SDR42E1: variants seen among roughly 807,000 people sequenced by gnomAD.
SDR42E1 encodes short-chain dehydrogenase/reductase family 42E member 1.
SDR42E1 carries 5 observed loss-of-function variants against 2.6 expected under a neutral mutation model. The observed-to-expected ratio is 1.94, with a 90% CI of 1.01 to 4.08. The LOEUF (loss-of-function observed/expected upper bound fraction) is 4.08. Ranked by LOEUF, SDR42E1 falls within the 30% of genes most tolerant of loss-of-function variation. The pLI is 0.00. For missense variants in SDR42E1, 596 were observed against 478.6 expected, an observed-to-expected ratio of 1.25 and a Z score of -2.29; for synonymous variants, 231 against 188.3, an observed-to-expected ratio of 1.23 and a Z score of -1.86.
In SDR42E1 at chr16:82,000,139, T is replaced by A. The variant is rs1258979438; in HGVS notation, c.154A>T (p.Lys52Ter). ...SPAQTIPEGI[K>*]FIQGDIRHLS... ...TGGCGGATGTCTCCTTGTATAAACTTGATTCCTTCTGGAATGGTTTGAGCA... is the reference window on the plus strand; with the variant it reads ...TGGCGGATGTCTCCTTGTATAAACTAGATTCCTTCTGGAATGGTTTGAGCA... Residue 52 changes from lysine (K) to a stop codon, truncating the protein, a stop_gained, in exon 3 of 3, where the codon AAG (lysine) becomes TAG (stop). Coordinates refer to ENST00000328945, the MANE Select transcript of SDR42E1 (RefSeq NM_145168.3). LOFTEE classifies it low-confidence loss of function (END_TRUNC). The A allele has an allele frequency of 6.2e-7, 1 of 1,614,208 alleles. No individual in the cohort carries two copies. The highest frequency in any genetic ancestry group is 1.1e-5 in the South Asian group (1 of 91,088).
intron 1 of SDR42E1, among the ~76,000 whole-genome samples, chr16:82,011,112 A>G (rs1160126041): frequency 6.6e-6 from 1 of 152,226 alleles, no homozygotes; most frequent in African/African-American, 2.4e-5. Context: ...CCACCTGTGG[A>G]AAGTTCGGAG....
At chr16:82,009,361 G>A (rs886100927) in intron 1 of SDR42E1, among the ~76,000 whole-genome samples, 9 of 152,322 alleles carry the variant, frequency 5.9e-5, no homozygotes, top group East Asian at 1.9e-4. Flanking sequence ...GACACTAAAC[G>A]CCAGCCCTGG....
rs777388787 is a variant in SDR42E1 at position 81,999,547 on chromosome 16, C to T, written c.746G>A (p.Gly249Glu). The T allele has an allele frequency of 1.2e-6, 2 of 1,614,152 alleles. No individual in the cohort carries two copies. Among genetic ancestry groups the T allele is most frequent in the South Asian group, 2.2e-5 (2 of 91,080 alleles). Residue 249 changes from glycine (G) to glutamate (E), a missense_variant, in exon 3 of 3, where the codon GGG (glycine) becomes GAG (glutamate). By Grantham distance (98) the Gly-to-Glu change is moderately conservative. Transcript: ENST00000328945. The part of the protein sequence containing the change: ...LRADKGHIAS[G>E]QPYFISDGRP... ...GCCATCTGAGATGAAGTAGGGCTGC[C>T]CAGAGGCAATATGGCCCTTGTCAGC...
In SDR42E1 at chr16:81,999,718, C is replaced by G; in HGVS notation, c.575G>C (p.Gly192Ala). ...ALRPAGIYGP[G>A]EQRHLPRIVS... ...TATCCTGGGAAGGTGTCTTTGTTCT[C>G]CAGGCCCATAGATGCCAGCTGGCCT... The change falls in exon 3 of 3, where the codon GGA becomes GCA. Residue 192 changes from glycine to alanine, a missense_variant. Coordinates refer to ENST00000328945, the MANE Select transcript of SDR42E1 (RefSeq NM_145168.3). 6.2e-7 allele frequency: 1 copy of G among 1,614,162 alleles called. No homozygotes were observed. The highest frequency in any genetic ancestry group is 8.5e-7 in the Non-Finnish European group (1 of 1,180,028).
At position 81,995,139 on chromosome 16, in the gene SDR42E1, T is replaced by G. The variant is rs1174209208; in HGVS notation, c.*3972A>C. The G allele has an allele frequency of 6.6e-6, 1 of 152,244 alleles. No homozygotes were observed. The highest frequency in any genetic ancestry group is 1.9e-4 in the East Asian group (1 of 5,196). The allele number at this position is 152,244 out of a possible 1,614,324, so 9.4% of individuals were successfully genotyped here. A position where few individuals can be genotyped will look rare whatever the true frequency, so the allele number is the denominator to read the frequency against. ...TAGGTTCCAATACAGGGCTCCTTGT[T>G]GCTCACACATCCTTCCTTCATTGCG... is the stretch of plus-strand genomic sequence containing the variant. On this transcript the variant is annotated 3_prime_UTR_variant, in exon 3 of 3. Coordinates refer to ENST00000328945, the MANE Select transcript of SDR42E1 (RefSeq NM_145168.3).
At position 82,000,231 on chromosome 16, in the gene SDR42E1, T is replaced by C. The variant is rs200861877; in HGVS notation, c.69-7A>G. 940 of 1,602,134 alleles carry C rather than the reference T, an allele frequency of 5.9e-4. 1 individual carries two copies. Among genetic ancestry groups the C allele is most frequent in the Non-Finnish European group, 7.4e-4 (872 of 1,177,202 alleles). On this transcript the variant is annotated splice_polypyrimidine_tract_variant and splice_region_variant and intron_variant, in intron 2 of 2. Coordinates refer to ENST00000328945, the MANE Select transcript of SDR42E1 (RefSeq NM_145168.3). ...GTTCAGGGCACAGCCCAGGCTGAAA[T>C]AAGAAACAGTAAACGTTGAATCAAG...
intron 1 of SDR42E1, among the ~76,000 whole-genome samples, 167 bp downstream of exon 1, chr16:82,011,220 G>T (rs890771961): frequency 6.6e-6 from 1 of 152,148 alleles, no homozygotes; most frequent in African/African-American, 2.4e-5. Flanking sequence ...CGGTCCCCTG[G>T]GATCAGGAAG....
In SDR42E1 at chr16:81,998,045, GGTTCCTATGCAACA is replaced by G. The variant is rs1447134831; in HGVS notation, c.*1052_*1065del. The stretch of plus-strand genomic sequence containing the variant: ...ATGGACTCTGTCTTCTTTCCACTTG[GGTTCCTATGCAACA>G]GTGTAACTGGATCATCTGTAACAGT... On this transcript the variant is annotated 3_prime_UTR_variant, in exon 3 of 3. Coordinates refer to ENST00000328945, the MANE Select transcript of SDR42E1 (RefSeq NM_145168.3). The G allele has an allele frequency of 2.0e-5, 3 of 152,140 alleles. No homozygotes were observed. The highest frequency in any genetic ancestry group is 7.2e-5 in the African/African-American group (3 of 41,430). The allele number at this position is 152,140 out of a possible 1,614,324, so 9.4% of individuals were successfully genotyped here.
At chr16:82,006,250 A>G (rs1912930211) in intron 1 of SDR42E1, among the ~76,000 whole-genome samples, 1 of 152,236 alleles carries the variant, frequency 6.6e-6, no homozygotes, top group South Asian at 2.1e-4. Flanking sequence ...TAACCCCATG[A>G]TTACGTGTTT....
At chr16:82,001,550 C>T (rs765858619) in intron 1 of SDR42E1, among the ~76,000 whole-genome samples, 1 of 151,982 alleles carries the variant, frequency 6.6e-6, no homozygotes, top group Admixed American at 6.6e-5. Flanking sequence ...TCCAAGGCCC[C>T]CTTCTCCCAA....
intron 1 of SDR42E1, among the ~76,000 whole-genome samples, chr16:82,007,391 A>C (rs1676999363): frequency 6.6e-6 from 1 of 152,212 alleles, no homozygotes; most frequent in African/African-American, 2.4e-5. Context: ...TCTGCCAGGC[A>C]TTGTGCAACA....
chr16:81,994,513 G>A lies in SDR42E1; in HGVS notation c.*4598C>T, dbSNP rs1912498172. 1 of 152,234 alleles carries A rather than the reference G, an allele frequency of 6.6e-6. No individual in the cohort carries two copies. The highest frequency in any genetic ancestry group is 1.5e-5 in the Non-Finnish European group (1 of 68,062). 9.4% of individuals were successfully genotyped at this position (152,234 alleles called of 1,614,324 possible). A position where few individuals can be genotyped will look rare whatever the true frequency, so the allele number is the denominator to read the frequency against. On this transcript the variant is annotated 3_prime_UTR_variant, in exon 3 of 3. Transcript: ENST00000328945. ...GCATGTGGAGGTCAGCCCCACGAAA[G>A]GGCTGGGAGGGACTTTTTGTCACCA...
In SDR42E1 at chr16:81,991,803, G is replaced by C. The variant is rs990261872; in HGVS notation, c.*7308C>G. ...CTAGCTGGTGACGCTGGGTACCCTT[G>C]GGCAAGGTACTGCATCTCCCTAAGC... On this transcript the variant is annotated 3_prime_UTR_variant, in exon 3 of 3. Transcript: ENST00000328945. The C allele has an allele frequency of 1.3e-5, 2 of 151,664 alleles. No individual in the cohort carries two copies. Among genetic ancestry groups the C allele is most frequent in the African/African-American group, 4.9e-5 (2 of 41,134 alleles). The allele number at this position is 151,664 out of a possible 1,614,324, so 9.4% of individuals were successfully genotyped here.
intron 1 of SDR42E1, among the ~76,000 whole-genome samples, chr16:82,009,429 C>T (rs1441577089): frequency 2.6e-5 from 4 of 152,250 alleles, no homozygotes; most frequent in Non-Finnish European, 5.9e-5. Context: ...CTGCCCAAGA[C>T]TATGGGAAAC....
intron 1 of SDR42E1, among the ~76,000 whole-genome samples, chr16:82,010,831 A>C (rs933069522): frequency 6.6e-6 from 1 of 152,210 alleles, no homozygotes; most frequent in Non-Finnish European, 1.5e-5. Context: ...CCTTGGCAAA[A>C]TAAACTTTCT....
chr16:81,999,316 C>G lies in SDR42E1; in HGVS notation c.977G>C (p.Ser326Thr), dbSNP rs1362941661. The G allele has an allele frequency of 2.5e-6, 4 of 1,614,094 alleles. No homozygotes were observed. The highest frequency in any genetic ancestry group is 1.1e-5 in the South Asian group (1 of 91,084). ...VYKTGVTHYF[S>T]LEKAKKELGY... is the part of the protein sequence containing the mutation. ...TAGCTCTTTCTTGGCTTTCTCTAAGCTAAAATAATGTGTGACACCAGTTTT... is the reference window on the plus strand; with the variant it reads ...TAGCTCTTTCTTGGCTTTCTCTAAGGTAAAATAATGTGTGACACCAGTTTT... The change falls in exon 3 of 3, where the codon AGC becomes ACC. Residue 326 changes from serine (S) to threonine (T), a missense_variant. Coordinates refer to ENST00000328945, the MANE Select transcript of SDR42E1 (RefSeq NM_145168.3).
chr16:82,008,322 G>C (rs529644937), intron 1 of SDR42E1, among the ~76,000 whole-genome samples: 3 of 152,236 alleles, frequency 2.0e-5, no homozygotes, highest in Admixed American at 1.3e-4. Context: ...CTACTGTAAA[G>C]ATATCTGAAA....
rs1409858404 is a variant in SDR42E1 at position 81,994,709 on chromosome 16, T to C, written c.*4402A>G. The C allele has an allele frequency of 1.3e-5, 2 of 152,148 alleles. No individual in the cohort carries two copies. Among genetic ancestry groups the C allele is most frequent in the Non-Finnish European group, 2.9e-5 (2 of 68,040 alleles). 9.4% of individuals were successfully genotyped at this position (152,148 alleles called of 1,614,324 possible). On this transcript the variant is annotated 3_prime_UTR_variant, in exon 3 of 3. Transcript: ENST00000328945. ...CCAGTGGCCCTATAATGATGTCTAA[T>C]TGGGTCAGAGCTGGGGCGTGGCATT...
chr16:81,999,054 C>G lies in SDR42E1; in HGVS notation c.*57G>C. ...ATATCACTGTACACATTTTAAAACCCATGTTTCTTGAGAACCATCTCAGCC... is the reference window on the plus strand; with the variant it reads ...ATATCACTGTACACATTTTAAAACCGATGTTTCTTGAGAACCATCTCAGCC... On this transcript the variant is annotated 3_prime_UTR_variant, in exon 3 of 3. Transcript: ENST00000328945. The G allele has an allele frequency of 6.5e-7, 1 of 1,547,538 alleles. No homozygotes were observed. The highest frequency in any genetic ancestry group is 8.7e-7 in the Non-Finnish European group (1 of 1,149,252).
Sources: gnomAD v4.1 joint callset for allele counts (sites outside exome capture counted in the v4.1 genomes callset) on GRCh38, gnomAD v4.1.1 for gene constraint, MANE v1.5 for transcripts, NCBI Gene and HGNC (gene_info 2026-07-23, HGNC 2026-07-21) for gene names.